CUX2: variants seen among roughly 807,000 people sequenced by gnomAD.
The protein encoded by CUX2 is homeobox protein cut-like 2.
Under a neutral mutation model 144.8 loss-of-function variants are expected in CUX2, and 40 were observed. That is an observed-to-expected ratio of 0.28 (90% confidence interval 0.21 to 0.36). The LOEUF (loss-of-function observed/expected upper bound fraction) is 0.36. Among genes scored for constraint, CUX2 ranks in the 10% least tolerant of loss-of-function variants. The pLI is 1.00. For synonymous variants in CUX2, 827 were observed against 875.6 expected, an observed-to-expected ratio of 0.94 and a Z score of 0.98; for missense variants, 1,615 against 1,994.0, an observed-to-expected ratio of 0.81 and a Z score of 3.62.
chr12:111,340,165 C>T (rs1888518838), intron 20 of CUX2, among the ~76,000 whole-genome samples: 1 of 152,156 alleles, frequency 6.6e-6, no homozygotes, highest in Non-Finnish European at 1.5e-5. Context: ...TGCCACTGCA[C>T]TCCAACCTGG....
Position 111,093,669 on chromosome 12 carries a change from G to C in CUX2, c.63+59429G>C, listed in dbSNP as rs559501277. Among the ~76,000 whole-genome samples the C allele has an allele frequency of 4.6e-5, 7 of 152,326 alleles. No individual in the cohort carries two copies. In the South Asian group the frequency reaches 8.3e-4, roughly 18 times the overall value. On this transcript the variant is annotated intron_variant, in intron 1 of 21. Coordinates refer to ENST00000261726, the MANE Select transcript of CUX2 (RefSeq NM_015267.4). The stretch of plus-strand genomic sequence containing the variant: ...GGGGCGATGAACACCTGAGCTTTTA[G>C]GGGGAAGTCCCAGTGGTTAGTTTGT...
intron 1 of CUX2, among the ~76,000 whole-genome samples, chr12:111,167,999 C>A (rs1878265352): frequency 1.3e-5 from 2 of 152,182 alleles, no homozygotes; most frequent in South Asian, 4.2e-4. Context: ...CAGGGTACGC[C>A]CTGTTTTATC....
chr12:111,259,926 C>A (rs1463668751), intron 3 of CUX2, among the ~76,000 whole-genome samples: 1 of 151,996 alleles, frequency 6.6e-6, no homozygotes, highest in Non-Finnish European at 1.5e-5. Flanking sequence ...CTTTGGGAGG[C>A]CGAGGCGGGT....
intron 1 of CUX2, among the ~76,000 whole-genome samples, chr12:111,204,017 C>T (rs1192652292): frequency 1.3e-5 from 2 of 152,260 alleles, no homozygotes; most frequent in African/African-American, 4.8e-5. Context: ...TGGCCCAAAG[C>T]ATCCAGCCCT....
intron 4 of CUX2, among the ~76,000 whole-genome samples, chr12:111,284,250 A>G (rs1387164990): frequency 6.6e-6 from 1 of 152,146 alleles, no homozygotes; most frequent in East Asian, 1.9e-4. Flanking sequence ...CCTAGGATAT[A>G]TTGTAATGGG....
At chr12:111,299,839 C>T (rs11065855) in intron 9 of CUX2, among the ~76,000 whole-genome samples, 13,266 of 152,202 alleles carry the variant, frequency 0.087, 1,033 homozygotes, top group African/African-American at 0.21. Context: ...GGTTCTCCTT[C>T]CAGAGATGGT....
chr12:111,235,340 CG>C (rs1882687817), intron 3 of CUX2, among the ~76,000 whole-genome samples: 1 of 151,968 alleles, frequency 6.6e-6, no homozygotes, highest in Non-Finnish European at 1.5e-5. Context: ...GAAGGATGAC[CG>C]GAAACCAAGT....
Position 111,186,627 on chromosome 12 carries a change from C to A in CUX2, c.64-27573C>A, listed in dbSNP as rs1235054900. ...CACAGAGGCAGGGTCCCTGGGCTCG[C>A]CTTCAGCGCCGCCATCTGCCAGCTG... On this transcript the variant is annotated intron_variant, in intron 1 of 21. Coordinates refer to ENST00000261726, the MANE Select transcript of CUX2 (RefSeq NM_015267.4). The surrounding 1 kb of genome is among the most constrained non-coding windows in gnomAD (Gnocchi z 4.4). 6.6e-6 allele frequency among the ~76,000 whole-genome samples: 1 copy of A among 152,194 alleles called. No homozygotes were observed. Among genetic ancestry groups the A allele is most frequent in the Non-Finnish European group, 1.5e-5 (1 of 68,020 alleles).
At chr12:111,170,768 C>T (rs972240906) in intron 1 of CUX2, among the ~76,000 whole-genome samples, 1 of 151,992 alleles carries the variant, frequency 6.6e-6, no homozygotes, top group Non-Finnish European at 1.5e-5. Flanking sequence ...ACTTTGACAT[C>T]ACTTCCTCTT....
Position 111,308,422 on chromosome 12 carries a change from C to A in CUX2, c.1159-5C>A. On this transcript the variant is annotated splice_region_variant and splice_polypyrimidine_tract_variant and intron_variant, in intron 13 of 21. Transcript: ENST00000261726. ...TGCCCTCTCAACCTGCCTCTTGTCTCCTAGGGCATGGCCAAGCCTGAAGAC... is the reference window on the plus strand; with the variant it reads ...TGCCCTCTCAACCTGCCTCTTGTCTACTAGGGCATGGCCAAGCCTGAAGAC... 1 of 1,614,148 alleles carries A rather than the reference C, an allele frequency of 6.2e-7. No individual in the cohort carries two copies.
At chr12:111,284,752 T>C (rs1193577357) in intron 4 of CUX2, among the ~76,000 whole-genome samples, 1 of 152,226 alleles carries the variant, frequency 6.6e-6, no homozygotes, top group Non-Finnish European at 1.5e-5. Context: ...CTCGCTCTAA[T>C]CAAACCTCTG....
rs193284502 is a variant in CUX2 at position 111,288,263 on chromosome 12, A to G, written c.302-3155A>G. Reference sequence around the variant, plus strand: ...GAAGAAGCCAATGTGACTGGAGCTCAGAAAGAAGTGAGGGCTTCTGCTTAC... The same window carrying G: ...GAAGAAGCCAATGTGACTGGAGCTCGGAAAGAAGTGAGGGCTTCTGCTTAC... On this transcript the variant is annotated intron_variant, in intron 4 of 21. Transcript: ENST00000261726. 1.6e-3 allele frequency among the ~76,000 whole-genome samples: 244 copies of G among 152,196 alleles called. 3 individuals carry two copies. The highest frequency in any genetic ancestry group is 5.7e-3 in the African/African-American group (235 of 41,520).
At chr12:111,318,474 G>A (rs995185034) in intron 16 of CUX2, among the ~76,000 whole-genome samples, 54 of 151,042 alleles carry the variant, frequency 3.6e-4, no homozygotes, top group African/African-American at 1.0e-3. Flanking sequence ...CTAGCTACTC[G>A]GGAGGCTGAG....
In CUX2 at chr12:111,174,113, G is replaced by T. The variant is rs543834008; in HGVS notation, c.64-40087G>T. On this transcript the variant is annotated intron_variant, in intron 1 of 21. Transcript: ENST00000261726. ...AGACTGGGCTGGAGAGTTCAGATTT[G>T]ATCTGAAATGGAATGGGGAGTCCGG... is the stretch of plus-strand genomic sequence containing the variant. 1.7e-3 allele frequency among the ~76,000 whole-genome samples: 254 copies of T among 152,318 alleles called. 1 individual carries two copies. The highest frequency in any genetic ancestry group is 5.8e-3 in the African/African-American group (241 of 41,564).
chr12:111,062,931 G>A (rs1019313707), intron 1 of CUX2, among the ~76,000 whole-genome samples: 4 of 152,182 alleles, frequency 2.6e-5, no homozygotes, highest in Admixed American at 1.3e-4. Flanking sequence ...GGGCAGATAG[G>A]CAGGATGTGT....
chr12:111,291,895 A>T (rs1486393514), intron 5 of CUX2, among the ~76,000 whole-genome samples: 1 of 152,238 alleles, frequency 6.6e-6, no homozygotes, highest in South Asian at 2.1e-4. Context: ...CCTCTGCCCC[A>T]GTGACGAATT....
chr12:111,288,215 A>G (rs1265060518), intron 4 of CUX2, among the ~76,000 whole-genome samples: 1 of 152,080 alleles, frequency 6.6e-6, no homozygotes. Flanking sequence ...TTCTCGTGCA[A>G]AGGGTCTGAG....
chr12:111,059,539 G>A lies in CUX2; in HGVS notation c.63+25299G>A, dbSNP rs909089492. Among the ~76,000 whole-genome samples the A allele has an allele frequency of 3.9e-5, 6 of 152,080 alleles. No homozygotes were observed. The highest frequency in any genetic ancestry group is 9.7e-5 in the African/African-American group (4 of 41,412). On this transcript the variant is annotated intron_variant, in intron 1 of 21. Transcript: ENST00000261726. This position sits in a 1 kb window ranked among gnomAD's most constrained non-coding sequence, Gnocchi z 5.3. ...TTCCCTCACCTTCCAAATGGGGCAC[G>A]TGACTCTTCTGACTTTCCTAGGTCC...
At position 111,107,978 on chromosome 12, in the gene CUX2, A is replaced by C. The variant is rs556182429; in HGVS notation, c.63+73738A>C. Among the ~76,000 whole-genome samples the C allele has an allele frequency of 2.6e-5, 4 of 152,292 alleles. No individual in the cohort carries two copies. In the South Asian group the frequency reaches 8.3e-4, roughly 32 times the overall value. On this transcript the variant is annotated intron_variant, in intron 1 of 21. Coordinates refer to ENST00000261726, the MANE Select transcript of CUX2 (RefSeq NM_015267.4). ...TGACTCAAATTTTGCCAAGTGTCCCACTGATGTCGTTTTTCTGGTCCAGAG... is the reference window on the plus strand; with the variant it reads ...TGACTCAAATTTTGCCAAGTGTCCCCCTGATGTCGTTTTTCTGGTCCAGAG...
Sources: gnomAD v4.1 joint callset for allele counts (sites outside exome capture counted in the v4.1 genomes callset) on GRCh38, gnomAD v4.1.1 for gene constraint, Gnocchi (gnomAD v3.1) non-coding constraint, MANE v1.5 for transcripts, NCBI Gene and HGNC (gene_info 2026-07-23, HGNC 2026-07-21) for gene names.